Variants in TPRG1 observed in about 807,000 individuals in gnomAD.
The protein encoded by TPRG1 is tumor protein p63-regulated gene 1 protein.
In TPRG1, 29 loss-of-function variants were observed where a neutral mutation model predicts 29.3. The observed-to-expected ratio is 0.99, with a 90% CI of 0.74 to 1.35. TPRG1 has a LOEUF of 1.35. Among genes scored for constraint, TPRG1 ranks in the 40% most tolerant of loss-of-function variants. TPRG1 has a pLI of 0.00. For synonymous variants in TPRG1, 130 were observed against 116.8 expected (o/e 1.11, Z -0.73); for missense variants, 327 against 335.0 (o/e 0.98, Z 0.19).
At chr3:189,250,464 G>A (rs1197990327) in intron 4 of TPRG1, among the ~76,000 whole-genome samples, 1 of 140,106 alleles carries the variant, frequency 7.1e-6, no homozygotes, top group Non-Finnish European at 1.5e-5. Flanking sequence ...CCTTTGTAAT[G>A]TGCCTCATAG....
intron 4 of TPRG1, among the ~76,000 whole-genome samples, chr3:189,280,304 T>A (rs1431997240): frequency 7.0e-6 from 1 of 142,522 alleles, no homozygotes; most frequent in Non-Finnish European, 1.5e-5. Flanking sequence ...TATAAATGAA[T>A]GGAATAATAT....
At chr3:189,123,370 A>C (rs919436503) in intron 1 of TPRG1, among the ~76,000 whole-genome samples, 2 of 152,224 alleles carry the variant, frequency 1.3e-5, no homozygotes, top group African/African-American at 4.8e-5. Flanking sequence ...TATTTGATTC[A>C]GTGGGTAACA....
At chr3:189,212,651 G>C (rs184515622) in intron 2 of TPRG1, among the ~76,000 whole-genome samples, 134 of 152,044 alleles carry the variant, frequency 8.8e-4, no homozygotes, top group Admixed American at 2.5e-3. Context: ...AGACAAATTT[G>C]CTTGGACTTT....
At chr3:189,028,254 T>C (rs1233921696) in intron 4 of TPRG1, among the ~76,000 whole-genome samples, 2 of 152,202 alleles carry the variant, frequency 1.3e-5, no homozygotes, top group African/African-American at 4.8e-5. Context: ...CCTGACCGCA[T>C]TCCAGTGCCC....
intron 3 of TPRG1, among the ~76,000 whole-genome samples, chr3:189,021,727 G>A (rs1355964073): frequency 6.6e-6 from 1 of 151,976 alleles, no homozygotes; most frequent in Non-Finnish European, 1.5e-5. Flanking sequence ...TGCTCTTCTC[G>A]AGGAGTATCT....
In TPRG1 at chr3:189,005,219, C is replaced by T. The variant is rs576558999; in HGVS notation, c.-660+459C>T. 5.9e-5 allele frequency among the ~76,000 whole-genome samples: 9 copies of T among 152,232 alleles called. No homozygotes were observed. In the South Asian group the frequency reaches 1.2e-3, roughly 21 times the overall value. ...TTAGAAGTTTACATCTGTTCTTACTCGGCAGATCATAAGCTGCTTGAACTC... is the reference window on the plus strand; with the variant it reads ...TTAGAAGTTTACATCTGTTCTTACTTGGCAGATCATAAGCTGCTTGAACTC... On this transcript the variant is annotated intron_variant, in intron 3 of 10. Transcript: ENST00000433971.
intron 2 of TPRG1, among the ~76,000 whole-genome samples, chr3:189,210,443 A>T (rs1735089711): frequency 1.3e-5 from 2 of 152,074 alleles, no homozygotes; most frequent in African/African-American, 4.8e-5. Flanking sequence ...GTAAAAAGGA[A>T]GCTAACTCAT....
chr3:189,129,005 A>G lies in TPRG1; in HGVS notation c.-590+1795A>G, dbSNP rs1434678115. Among the ~76,000 whole-genome samples the G allele has an allele frequency of 2.0e-5, 3 of 152,202 alleles. No individual in the cohort carries two copies. The East Asian group carries it at 5.8e-4, about 29-fold the overall frequency. On this transcript the variant is annotated intron_variant, in intron 2 of 6. Transcript: ENST00000412373. Reference sequence around the variant, plus strand: ...CTCAGGAAAAACAAAAACAAAAACAACAGCAGCAGCAACTTCTCCTAATGT... The same window carrying G: ...CTCAGGAAAAACAAAAACAAAAACAGCAGCAGCAGCAACTTCTCCTAATGT...
At chr3:189,070,682 A>C (rs1716761807) in intron 4 of TPRG1, among the ~76,000 whole-genome samples, 1 of 152,220 alleles carries the variant, frequency 6.6e-6, no homozygotes, top group Non-Finnish European at 1.5e-5. Context: ...TTTATTAAAA[A>C]AATTCTTCGT....
chr3:189,316,270 G>T (rs985272517), intron 5 of TPRG1, among the ~76,000 whole-genome samples: 6 of 152,144 alleles, frequency 3.9e-5, no homozygotes, highest in Admixed American at 6.5e-5. Context: ...AGTCACAGGG[G>T]CTCTATGAGG....
At chr3:189,197,691 G>A (rs1370661943) in intron 1 of TPRG1, among the ~76,000 whole-genome samples, 1 of 152,094 alleles carries the variant, frequency 6.6e-6, no homozygotes, top group East Asian at 1.9e-4. Context: ...ATCCCTGTAG[G>A]GGAATTTCAA....
chr3:189,185,898 T>C (rs948326846), intron 1 of TPRG1, among the ~76,000 whole-genome samples: 3 of 152,224 alleles, frequency 2.0e-5, no homozygotes, highest in Non-Finnish European at 4.4e-5. Flanking sequence ...CATTATTCTG[T>C]AGATTTTTAT....
chr3:189,207,439 G>A lies in TPRG1; in HGVS notation c.55G>A (p.Gly19Arg). 6.2e-7 allele frequency: 1 copy of A among 1,614,010 alleles called. No homozygotes were observed. The highest frequency in any genetic ancestry group is 1.1e-5 in the South Asian group (1 of 91,076). The change falls in exon 2 of 6, where the codon GGA (glycine) becomes AGA (arginine). Residue 19 changes from glycine (G) to arginine (R), a missense_variant. Physicochemically the swap from Gly to Arg is moderately radical, Grantham distance 125. Coordinates refer to ENST00000345063, the MANE Select transcript of TPRG1 (RefSeq NM_198485.4). Reference sequence around the variant, plus strand: ...CCAGGCTGTGTCTCTGAAGCAAGAGGGAGATGACCAACCCTCTGAGACTGA... The same window carrying A: ...CCAGGCTGTGTCTCTGAAGCAAGAGAGAGATGACCAACCCTCTGAGACTGA... ...GFQAVSLKQE[G>R]DDQPSETDHL...
At chr3:189,016,553 G>A (rs780732810) in intron 3 of TPRG1, among the ~76,000 whole-genome samples, 2 of 152,070 alleles carry the variant, frequency 1.3e-5, no homozygotes, top group Non-Finnish European at 2.9e-5. Context: ...GGGCTGGGAT[G>A]GAGTGATATG....
intron 4 of TPRG1, among the ~76,000 whole-genome samples, chr3:189,266,664 C>T (rs2109062766): frequency 6.6e-6 from 1 of 152,244 alleles, no homozygotes; most frequent in South Asian, 2.1e-4. Context: ...GATGGGATGA[C>T]TCTGCAAGTA....
chr3:189,071,266 A>T (rs1335006061), intron 4 of TPRG1, among the ~76,000 whole-genome samples: 1 of 152,150 alleles, frequency 6.6e-6, no homozygotes, highest in African/African-American at 2.4e-5. Context: ...CTTAAAGCTA[A>T]CCCTAAATAT....
At chr3:189,272,236 T>C (rs1715275503) in intron 4 of TPRG1, among the ~76,000 whole-genome samples, 1 of 152,238 alleles carries the variant, frequency 6.6e-6, no homozygotes. Context: ...CTGCTTTGAC[T>C]TGTATTCCTG....
chr3:189,069,178 G>T (rs60487774), intron 4 of TPRG1, among the ~76,000 whole-genome samples: 5,475 of 152,210 alleles, frequency 0.036, 324 homozygotes, highest in African/African-American at 0.13. Context: ...TGAAAAAATC[G>T]CTAACTTCCC....
chr3:189,129,615 A>G (rs1722882911), intron 2 of TPRG1, among the ~76,000 whole-genome samples: 1 of 152,118 alleles, frequency 6.6e-6, no homozygotes, highest in Admixed American at 6.5e-5. Flanking sequence ...TGCCATTGTT[A>G]TTATGATGTT....
Sources: allele counts gnomAD v4.1 joint callset (sites outside exome capture counted in the v4.1 genomes callset), GRCh38; gene constraint gnomAD v4.1.1; transcripts MANE v1.5; gene names NCBI Gene and HGNC (gene_info 2026-07-23, HGNC 2026-07-21).